Variants in DEPDC5 observed in about 807,000 individuals in gnomAD.
DEPDC5 encodes DEP domain containing 5, GATOR1 subcomplex subunit.
DEPDC5 carries 73 observed loss-of-function variants against 217.3 expected under a neutral mutation model. The observed-to-expected ratio is 0.34, with a 90% CI of 0.28 to 0.41. The LOEUF (loss-of-function observed/expected upper bound fraction) is 0.41, where lower values mean the gene tolerates loss of function less well. DEPDC5 is among the 10% of genes least tolerant of loss of function. The pLI is 1.00. For missense variants in DEPDC5, 1,675 were observed against 2,070.1 expected (o/e 0.81, Z 3.70); for synonymous variants, 733 against 756.7 (o/e 0.97, Z 0.51).
At chr22:31,857,663 A>C in intron 32 of DEPDC5, 110 bp downstream of exon 32, 1 of 865,160 alleles carries the variant, frequency 1.2e-6, no homozygotes, top group Non-Finnish European at 1.8e-6. Context: ...GAGGCTTTGG[A>C]TGAATTCTAC....
intron 7 of DEPDC5, 170 bp from the exon 8 acceptor site, chr22:31,777,929 G>A: frequency 9.3e-6 from 6 of 646,426 alleles, no homozygotes; most frequent in Non-Finnish European, 1.6e-5. Flanking sequence ...TGGATTTTTA[G>A]TATAGATGGG....
At chr22:31,851,297 C>A (rs960885038) in intron 31 of DEPDC5, among the ~76,000 whole-genome samples, 11 of 152,260 alleles carry the variant, frequency 7.2e-5, no homozygotes, top group Admixed American at 3.9e-4. Flanking sequence ...ACTGTTGGGA[C>A]CACACTTGGT....
intron 32 of DEPDC5, chr22:31,859,131 C>T (rs1274175042): frequency 1.7e-5 from 2 of 115,394 alleles, no homozygotes; most frequent in African/African-American, 6.6e-5. Context: ...CACTCTGTTG[C>T]CCAGGCTGGA....
rs764876578 is a variant in DEPDC5 at position 31,802,824 on chromosome 22, G to A, written c.1067G>A (p.Arg356Gln). The A allele has an allele frequency of 2.5e-5, 40 of 1,602,758 alleles. No homozygotes were observed. The highest frequency in any genetic ancestry group is 5.4e-5 in the African/African-American group (4 of 74,488). Residue 356 changes from arginine (R) to glutamine (Q), a missense_variant, in exon 15 of 43, where the codon CGG (arginine) becomes CAG (glutamine). Arg to Gln is a conservative substitution (Grantham distance 43). Coordinates refer to ENST00000651528, the MANE Select transcript of DEPDC5 (RefSeq NM_001242896.3). ...DRLLMILTKQ[R>Q]MIDNGIGVDL... ...CTACTCATGATCCTGACCAAGCAGC[G>A]GATGATAGATAATGGTAATGCTCTC...
At position 31,810,525 on chromosome 22, in the gene DEPDC5, C is replaced by T. The variant is rs758352057; in HGVS notation, c.1329C>T (p.Leu443=). The change falls in exon 20 of 43, where the codon CTC becomes CTT. Residue 443 remains leucine (L), a synonymous_variant. Coordinates refer to ENST00000651528, the MANE Select transcript of DEPDC5 (RefSeq NM_001242896.3). The part of the protein sequence containing the change: ...EKAKNGRDTS[L]GSPKESENAL... ...TATATTATTTGTGTATTTCAGCTCTCGGGAGTCCAAAAGAATCTGAGAACG... is the reference window on the plus strand; with the variant it reads ...TATATTATTTGTGTATTTCAGCTCTTGGGAGTCCAAAAGAATCTGAGAACG... 23 of 1,613,898 alleles carry T rather than the reference C, an allele frequency of 1.4e-5. No homozygotes were observed. The highest frequency in any genetic ancestry group is 8.3e-5 in the Admixed American group (5 of 59,982).
chr22:31,847,469 G>T (rs1045374890), intron 31 of DEPDC5, among the ~76,000 whole-genome samples: 4 of 152,170 alleles, frequency 2.6e-5, no homozygotes, highest in Admixed American at 1.3e-4. Context: ...TCACAGTTCT[G>T]CAGGGCTGGG....
chr22:31,775,236 A>G (rs985844784), intron 7 of DEPDC5, among the ~76,000 whole-genome samples: 6 of 151,440 alleles, frequency 4.0e-5, no homozygotes, highest in African/African-American at 1.2e-4. Context: ...CTGGAGTGCA[A>G]TGGTGCGATC....
rs527916926 is a variant in DEPDC5 at position 31,885,974 on chromosome 22, A to G, written c.4033+6222A>G. 4.0e-5 allele frequency among the ~76,000 whole-genome samples: 6 copies of G among 151,040 alleles called. No individual in the cohort carries two copies. In the East Asian group the frequency reaches 1.2e-3, roughly 30 times the overall value. Reference sequence around the variant, plus strand: ...TCTTGAATCGAGAGGCGGAGGTTGCATTGAGCCAAGATCACTCCATTGCAC... The same window carrying G: ...TCTTGAATCGAGAGGCGGAGGTTGCGTTGAGCCAAGATCACTCCATTGCAC... On this transcript the variant is annotated intron_variant, in intron 38 of 42. Transcript: ENST00000651528.
At position 31,874,312 on chromosome 22, in the gene DEPDC5, A is replaced by C. The variant is rs1174650276; in HGVS notation, c.3603A>C (p.Ser1201=). 6.2e-7 allele frequency: 1 copy of C among 1,608,762 alleles called. No individual in the cohort carries two copies. The highest frequency in any genetic ancestry group is 8.5e-7 in the Non-Finnish European group (1 of 1,177,628). ...VQLLSEQKGL[S]PYCFISAEVV... ...TGCTCTCTGAACAGAAGGGCCTCTC[A>C]CCGTACTGCTTCATCAGCGCGGAGG... Residue 1201 remains serine (S), a synonymous_variant, in exon 36 of 43, where the codon TCA becomes TCC. Transcript: ENST00000651528.
chr22:31,788,264 ATTTT>A (rs75378797), intron 10 of DEPDC5, among the ~76,000 whole-genome samples: 5,870 of 89,816 alleles, frequency 0.065, 69 homozygotes, highest in African/African-American at 0.092. Flanking sequence ...GGATGACTGT[ATTTT>A]TTTTTTTTTT....
intron 9 of DEPDC5, 189 bp from the exon 10 acceptor site, chr22:31,784,620 CAAAAA>C: frequency 1.8e-4 from 58 of 320,914 alleles, no homozygotes; most frequent in East Asian, 3.0e-4. Flanking sequence ...ACTCCCATCT[CAAAAA>C]AAAAAAAAAA....
In DEPDC5 at chr22:31,845,120, C is replaced by T. The variant is rs200175960; in HGVS notation, c.2904C>T (p.Ile968=). 1.2e-4 allele frequency: 190 copies of T among 1,614,076 alleles called. No individual in the cohort carries two copies. Among genetic ancestry groups the T allele is most frequent in the Non-Finnish European group, 1.5e-4 (175 of 1,180,040 alleles). ...CGGAGGGGGAGGCCCACTGCGACAT[C>T]TATGGGGACAGGCCCCGTGCAGACG... is the stretch of plus-strand genomic sequence containing the variant. ...RITEGEAHCD[I]YGDRPRADED... The change falls in exon 30 of 43, where the codon ATC becomes ATT. Residue 968 remains isoleucine (I), a synonymous_variant. Transcript: ENST00000651528.
chr22:31,812,058 G>A (rs2088428667), intron 20 of DEPDC5, among the ~76,000 whole-genome samples: 2 of 148,460 alleles, frequency 1.3e-5, no homozygotes, highest in South Asian at 2.2e-4. Flanking sequence ...CTGCAATCTC[G>A]GCTCACTGCA....
chr22:31,784,759 C>A, intron 9 of DEPDC5, 55 bp from the exon 10 acceptor site: 2 of 1,545,670 alleles, frequency 1.3e-6, no homozygotes, highest in South Asian at 1.1e-5. Context: ...AAATTGCAAG[C>A]AAGAAATAAA....
In DEPDC5 at chr22:31,810,658, A is replaced by C. The variant is rs748490901; in HGVS notation, c.1445+17A>C. ...CACCTGCAGGTTTTCTGCCAGATTC[A>C]CTTGGGGGTGCATATAAAAATTGTG... On this transcript the variant is annotated intron_variant, in intron 20 of 42. Coordinates refer to ENST00000651528, the MANE Select transcript of DEPDC5 (RefSeq NM_001242896.3). The C allele has an allele frequency of 6.2e-7, 1 of 1,613,740 alleles. No individual in the cohort carries two copies. Among genetic ancestry groups the C allele is most frequent in the South Asian group, 1.1e-5 (1 of 91,004 alleles).
intron 15 of DEPDC5, among the ~76,000 whole-genome samples, chr22:31,803,721 C>T (rs925937630): frequency 1.3e-5 from 2 of 151,816 alleles, no homozygotes; most frequent in African/African-American, 4.8e-5. Context: ...GCATGTCAGC[C>T]TGGGCAGCAG....
intron 7 of DEPDC5, among the ~76,000 whole-genome samples, chr22:31,777,503 G>A (rs2083997484): frequency 1.3e-5 from 2 of 150,998 alleles, no homozygotes; most frequent in Admixed American, 1.3e-4. Flanking sequence ...CTCGTGATCT[G>A]CCCTCCGTGG....
intron 14 of DEPDC5, among the ~76,000 whole-genome samples, chr22:31,799,775 C>A: frequency 7.0e-6 from 1 of 142,088 alleles, no homozygotes; most frequent in East Asian, 2.1e-4. Flanking sequence ...GTTGGGATTA[C>A]AGGCATGAGC....
intron 21 of DEPDC5, 134 bp downstream of exon 21, chr22:31,815,346 C>G: frequency 1.3e-6 from 1 of 743,834 alleles, no homozygotes; most frequent in African/African-American, 1.8e-5. Flanking sequence ...GCAGTAGGTA[C>G]AAATCACTTT....
Sources: gnomAD v4.1 joint callset for allele counts (sites outside exome capture counted in the v4.1 genomes callset) on GRCh38, gnomAD v4.1.1 for gene constraint, MANE v1.5 for transcripts, NCBI Gene and HGNC (gene_info 2026-07-23, HGNC 2026-07-21) for gene names.